The following SGCZ variants were observed in gnomAD, a reference collection of about 807,000 sequenced individuals.
The protein encoded by SGCZ is zeta-sarcoglycan.
In SGCZ, 40 loss-of-function variants were observed where a neutral mutation model predicts 41.3. The ratio of observed to expected loss-of-function variants is 0.97; its 90% CI spans 0.75 to 1.26. SGCZ has a LOEUF of 1.26. Among genes scored for constraint, SGCZ ranks in the 50% most tolerant of loss-of-function variants. The pLI is 0.00. For synonymous variants in SGCZ, 206 were observed against 137.5 expected (o/e 1.50, Z -3.49); for missense variants, 552 against 369.8 (o/e 1.49, Z -4.04).
chr8:14,624,277 C>A (rs1806376874), intron 1 of SGCZ, among the ~76,000 whole-genome samples: 1 of 152,004 alleles, frequency 6.6e-6, no homozygotes, highest in Non-Finnish European at 1.5e-5. Flanking sequence ...TAGGAATCCC[C>A]CAATAACAAT....
At chr8:15,062,874 A>G (rs1221487357) in intron 1 of SGCZ, among the ~76,000 whole-genome samples, 2 of 152,096 alleles carry the variant, frequency 1.3e-5, no homozygotes, top group Non-Finnish European at 2.9e-5. Flanking sequence ...AATGTATTCA[A>G]AGATATGCAG....
At chr8:14,302,737 G>A (rs1801238391) in intron 3 of SGCZ, among the ~76,000 whole-genome samples, 1 of 152,098 alleles carries the variant, frequency 6.6e-6, no homozygotes, top group African/African-American at 2.4e-5. Context: ...TATTTTATAA[G>A]GAAGTACACA....
intron 1 of SGCZ, among the ~76,000 whole-genome samples, chr8:14,741,470 C>G (rs1464078228): frequency 6.6e-6 from 1 of 151,952 alleles, no homozygotes; most frequent in Non-Finnish European, 1.5e-5. Flanking sequence ...AACAGATAAG[C>G]ATTAAATTTT....
At chr8:14,172,741 G>A (rs913765325) in intron 4 of SGCZ, among the ~76,000 whole-genome samples, 4 of 152,078 alleles carry the variant, frequency 2.6e-5, no homozygotes, top group Non-Finnish European at 5.9e-5. Context: ...GCTAGCAGGA[G>A]GAGAGATGAG....
intron 1 of SGCZ, among the ~76,000 whole-genome samples, chr8:15,142,050 C>T (rs7833187): frequency 0.84 from 128,161 of 152,122 alleles, 54,253 homozygotes; most frequent in East Asian, 0.93. Flanking sequence ...TTCTCAAGAG[C>T]TTATAAAGGT....
At chr8:14,235,450 G>GT (rs1806721764) in intron 4 of SGCZ, among the ~76,000 whole-genome samples, 1 of 151,834 alleles carries the variant, frequency 6.6e-6, no homozygotes, top group African/African-American at 2.4e-5. Context: ...TTCTTTCTCC[G>GT]TCCTCCTCTT....
chr8:14,800,116 C>G (rs1333500726), intron 1 of SGCZ, among the ~76,000 whole-genome samples: 4 of 151,284 alleles, frequency 2.6e-5, no homozygotes, highest in Non-Finnish European at 5.9e-5. Flanking sequence ...ATTGAACCAG[C>G]ATCTACACTT....
intron 1 of SGCZ, among the ~76,000 whole-genome samples, chr8:15,088,641 G>C (rs1343703566): frequency 1.3e-5 from 2 of 151,328 alleles, no homozygotes; most frequent in Non-Finnish European, 1.5e-5. Context: ...AAAAAGAATA[G>C]AGCCCAGATG....
chr8:14,205,086 AC>A (rs1411508621), intron 4 of SGCZ, among the ~76,000 whole-genome samples: 1 of 152,024 alleles, frequency 6.6e-6, no homozygotes, highest in Non-Finnish European at 1.5e-5. Context: ...TCTCTGGAGA[AC>A]CCTTTAATTA....
intron 2 of SGCZ, among the ~76,000 whole-genome samples, chr8:14,343,279 G>A (rs1218658752): frequency 6.6e-6 from 1 of 152,172 alleles, no homozygotes; most frequent in South Asian, 2.1e-4. Flanking sequence ...CTGGGGCACT[G>A]CCTAGTGGAG....
intron 1 of SGCZ, among the ~76,000 whole-genome samples, chr8:15,080,471 C>T (rs1420559705): frequency 6.6e-6 from 1 of 152,040 alleles, no homozygotes; most frequent in African/African-American, 2.4e-5. Flanking sequence ...CCAACGCCAG[C>T]CTAAAATGTA....
chr8:14,759,923 C>G (rs543212902), intron 1 of SGCZ, among the ~76,000 whole-genome samples: 1 of 152,220 alleles, frequency 6.6e-6, no homozygotes, highest in African/African-American at 2.4e-5. Flanking sequence ...AAACTTGGCT[C>G]TGGGACAAAT....
At chr8:14,514,682 C>T (rs540339495) in intron 2 of SGCZ, among the ~76,000 whole-genome samples, 41 of 147,656 alleles carry the variant, frequency 2.8e-4, no homozygotes, top group Admixed American at 4.8e-4. Flanking sequence ...AATATATATA[C>T]GTATATATTT....
chr8:14,666,859 T>C (rs527808166), intron 1 of SGCZ, among the ~76,000 whole-genome samples: 1 of 152,182 alleles, frequency 6.6e-6, no homozygotes, highest in East Asian at 1.9e-4. Flanking sequence ...CCTTATTTCA[T>C]AAAAAGAACT....
chr8:14,210,732 G>A (rs1370042395), intron 4 of SGCZ, among the ~76,000 whole-genome samples: 1 of 152,068 alleles, frequency 6.6e-6, no homozygotes, highest in Non-Finnish European at 1.5e-5. Context: ...CTCCCAAAGT[G>A]CTAGGATTAC....
intron 2 of SGCZ, among the ~76,000 whole-genome samples, chr8:14,543,971 G>T (rs1236009876): frequency 6.6e-6 from 1 of 152,092 alleles, no homozygotes; most frequent in African/African-American, 2.4e-5. Context: ...TGAGAATGGA[G>T]TGGTTACCTA....
chr8:14,438,786 G>T (rs1030585142), intron 2 of SGCZ, among the ~76,000 whole-genome samples: 1 of 151,816 alleles, frequency 6.6e-6, no homozygotes, highest in Non-Finnish European at 1.5e-5. Flanking sequence ...TTAATAAATA[G>T]AAAACCATGA....
chr8:14,941,227 A>G (rs1800264881), intron 1 of SGCZ, among the ~76,000 whole-genome samples: 1 of 152,124 alleles, frequency 6.6e-6, no homozygotes, highest in African/African-American at 2.4e-5. Flanking sequence ...GCCAAGTTTT[A>G]TCATAGTAAT....
chr8:14,455,859 T>C (rs1208260251), intron 2 of SGCZ, among the ~76,000 whole-genome samples: 2 of 152,324 alleles, frequency 1.3e-5, no homozygotes, highest in Admixed American at 1.3e-4. Flanking sequence ...CAAAAGAGTG[T>C]TTGCAGTATG....
Sources: gnomAD v4.1 joint callset for allele counts (sites outside exome capture counted in the v4.1 genomes callset) on GRCh38, gnomAD v4.1.1 for gene constraint, MANE v1.5 for transcripts, NCBI Gene and HGNC (gene_info 2026-07-23, HGNC 2026-07-21) for gene names.